Variants in CYP4X1 observed in about 807,000 individuals in gnomAD.
The protein encoded by CYP4X1 is cytochrome P450 family 4 subfamily X member 1, also known as cytochrome P450 4X1.
CYP4X1 carries 44 observed loss-of-function variants against 57.9 expected under a neutral mutation model. The ratio of observed to expected loss-of-function variants is 0.76; its 90% confidence interval spans 0.60 to 0.98. The LOEUF (loss-of-function observed/expected upper bound fraction) is 0.98, where lower values mean the gene tolerates loss of function less well. CYP4X1 is among the 50% of genes least tolerant of loss of function. The pLI is 0.00. For synonymous variants in CYP4X1, 227 were observed against 228.6 expected, an observed-to-expected ratio of 0.99 and a Z score of 0.06; for missense variants, 532 against 623.9, an observed-to-expected ratio of 0.85 and a Z score of 1.57.
rs1413012599 is a variant in CYP4X1, at chr1:47,024,028, G to A, written c.177+34G>A. On this transcript the variant is annotated intron_variant, in intron 1 of 11. Coordinates refer to ENST00000371901, the MANE Select transcript of CYP4X1 (RefSeq NM_178033.2). ...GAGGGAGGAGGGAGGAAGGAGGAGG[G>A]AGGGGCGGAGGAGGATGCGGCAGAG... The A allele has an allele frequency of 2.5e-6, 4 of 1,589,096 alleles. No homozygotes were observed. In the Admixed American group the frequency reaches 6.9e-5, roughly 27 times the overall value.
the CYP4X1 span, among the ~76,000 whole-genome samples, chr1:46,963,081 CT>C: frequency 6.6e-6 from 1 of 151,834 alleles, no homozygotes; most frequent in African/African-American, 2.4e-5. Context: ...CAACCCCTGC[CT>C]TTTTTTTGTT....
the CYP4X1 span, among the ~76,000 whole-genome samples, chr1:46,974,303 G>A: frequency 6.6e-6 from 1 of 151,664 alleles, no homozygotes; most frequent in Non-Finnish European, 1.5e-5. Flanking sequence ...ACTTTGGTGT[G>A]TATGTTTTTT....
intron 3 of CYP4X1, 59 bp downstream of exon 3, chr1:47,031,539 T>C (rs946326046): frequency 5.1e-6 from 8 of 1,571,406 alleles, no homozygotes; most frequent in Non-Finnish European, 7.0e-6. Flanking sequence ...CTTTCCATAG[T>C]AGAGCATGCC....
At chr1:47,045,680 G>A (rs1017102009) in intron 8 of CYP4X1, among the ~76,000 whole-genome samples, 1 of 152,218 alleles carries the variant, frequency 6.6e-6, no homozygotes, top group African/African-American at 2.4e-5. Context: ...GGGATAAGGA[G>A]TAAAGGGCTG....
the CYP4X1 span, among the ~76,000 whole-genome samples, chr1:47,002,108 C>T: frequency 2.0e-5 from 3 of 152,146 alleles, no homozygotes; most frequent in African/African-American, 7.2e-5. Context: ...ATTTAGTGAC[C>T]GAGTGAGTGA....
chr1:47,002,932 C>T, the CYP4X1 span: 2 of 152,104 alleles, frequency 1.3e-5, no homozygotes, highest in Non-Finnish European at 1.5e-5. Context: ...CAAGACAGAT[C>T]CAGAGGCATG....
chr1:46,979,014 G>A, the CYP4X1 span, among the ~76,000 whole-genome samples: 1 of 152,150 alleles, frequency 6.6e-6, no homozygotes, highest in Non-Finnish European at 1.5e-5. Context: ...ATGCCCACAA[G>A]AGAAACCAGG....
At chr1:47,027,688 AG>A (rs1367748091) in intron 1 of CYP4X1, among the ~76,000 whole-genome samples, 1 of 152,240 alleles carries the variant, frequency 6.6e-6, no homozygotes, top group African/African-American at 2.4e-5. Flanking sequence ...CCTTACTCTT[AG>A]TAATACAGGT....
At chr1:47,032,081 G>T (rs548274727) in intron 3 of CYP4X1, among the ~76,000 whole-genome samples, 1 of 152,018 alleles carries the variant, frequency 6.6e-6, no homozygotes, top group Admixed American at 6.6e-5. Context: ...CCAAACTGCA[G>T]TCTCACCATC....
chr1:46,964,972 G>T, the CYP4X1 span, among the ~76,000 whole-genome samples: 1 of 152,302 alleles, frequency 6.6e-6, no homozygotes, highest in African/African-American at 2.4e-5. Context: ...CTGCCGCCTT[G>T]CAGTTTGATC....
the CYP4X1 span, among the ~76,000 whole-genome samples, chr1:46,988,286 A>G: frequency 7.2e-5 from 11 of 152,214 alleles, no homozygotes; most frequent in Non-Finnish European, 1.5e-5. Flanking sequence ...GAAAATATAG[A>G]AAAAATAGAT....
At chr1:47,013,733 A>G in the CYP4X1 span, among the ~76,000 whole-genome samples, 1 of 150,724 alleles carries the variant, frequency 6.6e-6, no homozygotes, top group East Asian at 1.9e-4. Context: ...TGAAGTTTAA[A>G]TGACTTTAGT....
the CYP4X1 span, among the ~76,000 whole-genome samples, chr1:46,991,080 G>A: frequency 6.6e-6 from 1 of 151,460 alleles, no homozygotes; most frequent in East Asian, 1.9e-4. Context: ...CCCGTTAGTG[G>A]ATCTGCTAAT....
chr1:47,048,438 G>A, intron 9 of CYP4X1, 127 bp from the exon 10 acceptor site: 7 of 999,016 alleles, frequency 7.0e-6, no homozygotes, highest in Non-Finnish European at 9.6e-6. Context: ...GGTGTCATCA[G>A]CTACAGCAGG....
chr1:46,992,726 G>C, the CYP4X1 span, among the ~76,000 whole-genome samples: 1 of 152,264 alleles, frequency 6.6e-6, no homozygotes, highest in East Asian at 1.9e-4. Flanking sequence ...ACAAGTATCT[G>C]TTCAAATCCC....
downstream of CYP4X1, among the ~76,000 whole-genome samples, chr1:47,054,918 T>G (rs997189372): frequency 7.2e-5 from 11 of 152,330 alleles, no homozygotes; most frequent in South Asian, 1.0e-3. Context: ...TATTTCCTTC[T>G]CCTGCCGGAT....
chr1:46,979,929 T>C, the CYP4X1 span, among the ~76,000 whole-genome samples: 1 of 151,982 alleles, frequency 6.6e-6, no homozygotes, highest in Non-Finnish European at 1.5e-5. Context: ...ATTCAAGAAC[T>C]CTTCATGCTA....
upstream of CYP4X1, among the ~76,000 whole-genome samples, chr1:47,020,503 C>T (rs546430164): frequency 6.6e-6 from 1 of 152,372 alleles, no homozygotes; most frequent in South Asian, 2.1e-4. Flanking sequence ...AGGATATCAG[C>T]ATCACTTTCT....
At chr1:47,011,154 G>A in the CYP4X1 span, among the ~76,000 whole-genome samples, 4 of 152,012 alleles carry the variant, frequency 2.6e-5, no homozygotes, top group Admixed American at 2.6e-4. Flanking sequence ...CTGACTTCAA[G>A]CTATACTACA....
Sources: gnomAD v4.1 joint callset for allele counts (sites outside exome capture counted in the v4.1 genomes callset) on GRCh38, gnomAD v4.1.1 for gene constraint, MANE v1.5 for transcripts, NCBI Gene and HGNC (gene_info 2026-07-23, HGNC 2026-07-21) for gene names.